GLE1: variants seen among roughly 807,000 people sequenced by gnomAD.
GLE1 encodes mRNA export factor GLE1.
In GLE1, 78 loss-of-function variants were observed where a neutral mutation model predicts 97.3. The observed-to-expected ratio is 0.80, with a 90% confidence interval of 0.67 to 0.97. The LOEUF (loss-of-function observed/expected upper bound fraction) is 0.97. Among genes scored for constraint, GLE1 ranks in the 50% least tolerant of loss-of-function variants. The pLI is 0.00. For missense variants in GLE1, 753 were observed against 857.5 expected (o/e 0.88, Z 1.52); for synonymous variants, 302 against 313.4 (o/e 0.96, Z 0.39).
intron 9 of GLE1, chr9:128,532,696 G>T: frequency 1.0e-6 from 1 of 973,548 alleles, no homozygotes; most frequent in Non-Finnish European, 1.2e-6. Flanking sequence ...TGGCAGGTAC[G>T]CAGCCCCCAC....
Position 128,523,661 on chromosome 9 carries a change from A to G in GLE1, c.712A>G (p.Lys238Glu). 1 of 1,614,128 alleles carries G rather than the reference A, an allele frequency of 6.2e-7. No homozygotes were observed. Among genetic ancestry groups the G allele is most frequent in the South Asian group, 1.1e-5 (1 of 91,088 alleles). ...GCAAGCAGAACAGGAGCGGCTTCGG[A>G]AGGAAGAAGGCCAGATCCGCCTGCG... ...VKQAEQERLR[K>E]EEGQIRLRAL... Residue 238 changes from lysine (K) to glutamate (E), a missense_variant, in exon 6 of 16, where the codon AAG (lysine) becomes GAG (glutamate). By Grantham distance (56) the Lys-to-Glu change is moderately conservative. Coordinates refer to ENST00000309971, the MANE Select transcript of GLE1 (RefSeq NM_001003722.2).
chr9:128,537,899 C>T, intron 12 of GLE1, 87 bp from the exon 13 acceptor site: 1 of 786,152 alleles, frequency 1.3e-6, no homozygotes. Flanking sequence ...GGGTTCATTT[C>T]CACTTGGTAA....
intron 2 of GLE1, 104 bp downstream of exon 2, chr9:128,509,201 G>T: frequency 1.3e-6 from 1 of 760,902 alleles, no homozygotes. Flanking sequence ...AATAATGATT[G>T]CTCATTGTTG....
chr9:128,505,957 G>A (rs988336992), intron 1 of GLE1, among the ~76,000 whole-genome samples: 3 of 152,122 alleles, frequency 2.0e-5, no homozygotes, highest in African/African-American at 7.2e-5. Flanking sequence ...GTAAGGAGGT[G>A]CTTTCTATTT....
In GLE1 at chr9:128,504,804, C is replaced by G; in HGVS notation, c.-2C>G. The G allele has an allele frequency of 6.2e-7, 1 of 1,603,720 alleles. No individual in the cohort carries two copies. Among genetic ancestry groups the G allele is most frequent in the African/African-American group, 1.3e-5 (1 of 74,838 alleles). On this transcript the variant is annotated 5_prime_UTR_variant, in exon 1 of 16. Coordinates refer to ENST00000309971, the MANE Select transcript of GLE1 (RefSeq NM_001003722.2). ...GTCAGAGAAGCTGCCCCTTAGCCAACCATGCCGTCTGAGGGTCGCTGCTGG... is the reference window on the plus strand; with the variant it reads ...GTCAGAGAAGCTGCCCCTTAGCCAAGCATGCCGTCTGAGGGTCGCTGCTGG...
At chr9:128,528,628 C>G (rs964088780) in intron 9 of GLE1, among the ~76,000 whole-genome samples, 1 of 152,090 alleles carries the variant, frequency 6.6e-6, no homozygotes, top group Admixed American at 6.6e-5. Context: ...TAACAAGCTA[C>G]CTTTTATGGC....
chr9:128,505,386 G>C (rs1846612167), intron 1 of GLE1, among the ~76,000 whole-genome samples: 1 of 152,214 alleles, frequency 6.6e-6, no homozygotes, highest in Non-Finnish European at 1.5e-5. Context: ...TGCGCGAGAA[G>C]TGGAGGGATG....
chr9:128,525,849 C>A (rs1847286198), intron 7 of GLE1, among the ~76,000 whole-genome samples: 1 of 152,034 alleles, frequency 6.6e-6, no homozygotes, highest in Non-Finnish European at 1.5e-5. Context: ...TTGCTTGACC[C>A]AGGAGCTGGA....
In GLE1 at chr9:128,542,263, A is replaced by G. The variant is rs1847898891; in HGVS notation, c.*1093A>G. On this transcript the variant is annotated 3_prime_UTR_variant, in exon 16 of 16. Coordinates refer to ENST00000309971, the MANE Select transcript of GLE1 (RefSeq NM_001003722.2). ...TTAATTAAGGTGCCAAAAAAAATTA[A>G]TAATAAAGCTTGGTTTTTTGAAAAA... 6.6e-6 allele frequency: 1 copy of G among 152,216 alleles called. No individual in the cohort carries two copies. The highest frequency in any genetic ancestry group is 2.4e-5 in the African/African-American group (1 of 41,454). The allele number at this position is 152,216 out of a possible 1,614,324, so 9.4% of individuals were successfully genotyped here.
At chr9:128,518,894 G>A (rs540671006) in intron 3 of GLE1, among the ~76,000 whole-genome samples, 94 of 151,470 alleles carry the variant, frequency 6.2e-4, no homozygotes, top group African/African-American at 2.0e-3. Flanking sequence ...GCACTGTTGC[G>A]GGAAGTCAGG....
At chr9:128,520,410 G>GTA (rs1054971044) in intron 3 of GLE1, among the ~76,000 whole-genome samples, 1 of 143,936 alleles carries the variant, frequency 6.9e-6, no homozygotes, top group Non-Finnish European at 1.5e-5. Flanking sequence ...GTGTATATAT[G>GTA]TATATATATG....
At chr9:128,527,604 G>T (rs1847340318) in intron 9 of GLE1, 79 bp downstream of exon 9, 1 of 886,812 alleles carries the variant, frequency 1.1e-6, no homozygotes, top group Non-Finnish European at 1.9e-6. Context: ...TATCTGTAAG[G>T]TTCCTATAAA....
In GLE1 at chr9:128,520,396, ATG is replaced by A. The variant is rs575143995; in HGVS notation, c.433-2266_433-2265del. Among the ~76,000 whole-genome samples the A allele has an allele frequency of 2.4e-3, 358 of 148,196 alleles. 1 individual carries two copies. Among genetic ancestry groups the A allele is most frequent in the African/African-American group, 8.3e-3 (340 of 40,770 alleles). On this transcript the variant is annotated intron_variant, in intron 3 of 15. Coordinates refer to ENST00000309971, the MANE Select transcript of GLE1 (RefSeq NM_001003722.2). ...TATATATGTATATGTGTATATATGT[ATG>A]TGTGTATATATGTATATATATGTAT... is the stretch of plus-strand genomic sequence containing the variant.
In GLE1 at chr9:128,519,409, G is replaced by A. The variant is rs142171708; in HGVS notation, c.433-3259G>A. On this transcript the variant is annotated intron_variant, in intron 3 of 15. Coordinates refer to ENST00000309971, the MANE Select transcript of GLE1 (RefSeq NM_001003722.2). ...GGAACATCCCTGGGAAGGAGAATAC[G>A]CGCCTGGGGGTAGGTCTATAGATGG... 9.8e-3 allele frequency among the ~76,000 whole-genome samples: 1,492 copies of A among 152,266 alleles called. 31 individuals carry two copies. Among genetic ancestry groups the A allele is most frequent in the East Asian group, 0.073 (379 of 5,186 alleles).
At position 128,504,809 on chromosome 9, in the gene GLE1, C is replaced by T. The variant is rs776102006; in HGVS notation, c.4C>T (p.Pro2Ser). The T allele has an allele frequency of 2.5e-6, 4 of 1,605,070 alleles. No individual in the cohort carries two copies. The highest frequency in any genetic ancestry group is 1.7e-6 in the Non-Finnish European group (2 of 1,171,942). ...AGAAGCTGCCCCTTAGCCAACCATG[C>T]CGTCTGAGGGTCGCTGCTGGGAGAC... M[P>S]SEGRCWETLK... The change falls in exon 1 of 16, where the codon CCG becomes TCG. Residue 2 changes from proline to serine, a missense_variant. Physicochemically the swap from Pro to Ser is moderately conservative, Grantham distance 74 (BLOSUM62 -1). Coordinates refer to ENST00000309971, the MANE Select transcript of GLE1 (RefSeq NM_001003722.2).
At chr9:128,528,284 G>A (rs1281801544) in intron 9 of GLE1, among the ~76,000 whole-genome samples, 17 of 150,594 alleles carry the variant, frequency 1.1e-4, no homozygotes, top group Non-Finnish European at 2.1e-4. Flanking sequence ...GATTACAGGC[G>A]TGAGCCACTG....
intron 3 of GLE1, among the ~76,000 whole-genome samples, chr9:128,521,128 C>G (rs557615669): frequency 8.5e-5 from 13 of 152,244 alleles, no homozygotes; most frequent in Non-Finnish European, 1.9e-4. Context: ...ATCTCTCATG[C>G]TCTATGTGGT....
In GLE1 at chr9:128,540,289, C is replaced by A; in HGVS notation, c.1979C>A (p.Thr660Lys). 1 of 1,607,140 alleles carries A rather than the reference C, an allele frequency of 6.2e-7. No individual in the cohort carries two copies. The highest frequency in any genetic ancestry group is 8.5e-7 in the Non-Finnish European group (1 of 1,173,852). The change falls in exon 15 of 16, where the codon ACA (threonine) becomes AAA (lysine). Residue 660 changes from threonine (T) to lysine (K), a missense_variant. Coordinates refer to ENST00000309971, the MANE Select transcript of GLE1 (RefSeq NM_001003722.2). ...EDYFPRIEAI[T>K]SSGQMGSFIR... is the part of the protein sequence containing the mutation. Reference sequence around the variant, plus strand: ...TCTCCCTGTAGAATTGAAGCTATCACAAGCTCAGGACAGATGGGCTCCTTC... The same window carrying A: ...TCTCCCTGTAGAATTGAAGCTATCAAAAGCTCAGGACAGATGGGCTCCTTC...
chr9:128,533,720 C>T, intron 10 of GLE1, 41 bp from the exon 11 acceptor site: 1 of 1,612,854 alleles, frequency 6.2e-7, no homozygotes, highest in Non-Finnish European at 8.5e-7. Flanking sequence ...CAGCCTTTTT[C>T]TGGTATTAAG....
Sources: gnomAD v4.1 joint callset for allele counts (sites outside exome capture counted in the v4.1 genomes callset) on GRCh38, gnomAD v4.1.1 for gene constraint, MANE v1.5 for transcripts, NCBI Gene and HGNC (gene_info 2026-07-23, HGNC 2026-07-21) for gene names.